TES: variants seen among roughly 807,000 people sequenced by gnomAD.
The protein encoded by TES is testin.
In TES, 41 loss-of-function variants were observed where a neutral mutation model predicts 48.2. The ratio of observed to expected loss-of-function variants is 0.85; its 90% CI spans 0.66 to 1.10. The LOEUF is 1.10. Among genes scored for constraint, TES ranks in the 50% least tolerant of loss-of-function variants. The pLI is 0.00. For missense variants in TES, 463 were observed against 515.1 expected, an observed-to-expected ratio of 0.90 and a Z score of 0.98; for synonymous variants, 162 against 174.9, an observed-to-expected ratio of 0.93 and a Z score of 0.58.
chr7:116,229,027 TATATATA>T (rs1296570534), intron 1 of TES, among the ~76,000 whole-genome samples: 1 of 108,388 alleles, frequency 9.2e-6, no homozygotes, highest in African/African-American at 3.3e-5. Context: ...TATATATATA[TATATATA>T]ATCATTTCCT....
At chr7:116,246,519 C>T (rs1193230099) in intron 2 of TES, among the ~76,000 whole-genome samples, 4 of 152,222 alleles carry the variant, frequency 2.6e-5, no homozygotes, top group Non-Finnish European at 5.9e-5. Flanking sequence ...CTATGAGCCC[C>T]TGCATGACTT....
At chr7:116,219,365 A>G (rs1269495611) in intron 1 of TES, among the ~76,000 whole-genome samples, 2 of 152,162 alleles carry the variant, frequency 1.3e-5, no homozygotes, top group East Asian at 3.8e-4. Context: ...ATAAGACCCT[A>G]GCCCACAGCT....
chr7:116,247,900 A>C (rs1341417636), intron 2 of TES, among the ~76,000 whole-genome samples: 1 of 152,038 alleles, frequency 6.6e-6, no homozygotes, highest in African/African-American at 2.4e-5. Flanking sequence ...TTGGGTTATA[A>C]ATGATCCCAT....
At chr7:116,214,882 G>T (rs1045642851) in intron 1 of TES, among the ~76,000 whole-genome samples, 5 of 152,104 alleles carry the variant, frequency 3.3e-5, no homozygotes, top group South Asian at 2.1e-4. Flanking sequence ...TCTCCATGCT[G>T]CCACCTAGAT....
chr7:116,220,076 A>C (rs1799539516), intron 1 of TES, among the ~76,000 whole-genome samples: 1 of 152,170 alleles, frequency 6.6e-6, no homozygotes, highest in South Asian at 2.1e-4. Context: ...AAGTTGCCTA[A>C]GGTTTTGAAG....
At chr7:116,214,334 G>C (rs1010133131) in intron 1 of TES, among the ~76,000 whole-genome samples, 1 of 152,136 alleles carries the variant, frequency 6.6e-6, no homozygotes, top group Non-Finnish European at 1.5e-5. Context: ...TTGGAAATTA[G>C]AATGAGTTAT....
chr7:116,227,272 G>T (rs926228583), intron 1 of TES, among the ~76,000 whole-genome samples: 4 of 151,036 alleles, frequency 2.6e-5, no homozygotes, highest in African/African-American at 7.3e-5. Flanking sequence ...ATCTATCACC[G>T]CGCCCGGCTA....
chr7:116,252,003 T>C, intron 5 of TES, 28 bp downstream of exon 5: 2 of 1,606,402 alleles, frequency 1.2e-6, no homozygotes, highest in Non-Finnish European at 1.7e-6. Flanking sequence ...ACCGGCATGC[T>C]GGTGCCCTCT....
intron 1 of TES, among the ~76,000 whole-genome samples, chr7:116,226,358 T>G (rs1490769775): frequency 6.6e-6 from 1 of 152,056 alleles, no homozygotes; most frequent in Admixed American, 6.6e-5. Context: ...TAAAGAAAGG[T>G]ATCACAGAGT....
intron 1 of TES, among the ~76,000 whole-genome samples, chr7:116,228,631 A>G (rs201883767): frequency 6.6e-6 from 1 of 152,164 alleles, no homozygotes; most frequent in Admixed American, 6.5e-5. Flanking sequence ...TCCTATGCAT[A>G]CTTTATAAAA....
intron 6 of TES, among the ~76,000 whole-genome samples, chr7:116,255,910 T>C (rs1800091902): frequency 6.6e-6 from 1 of 150,768 alleles, no homozygotes; most frequent in African/African-American, 2.5e-5. Context: ...AATTTTAAAA[T>C]GGAAAGATTA....
intron 2 of TES, among the ~76,000 whole-genome samples, chr7:116,241,278 T>C (rs1799844862): frequency 1.3e-5 from 2 of 152,226 alleles, no homozygotes; most frequent in African/African-American, 4.8e-5. Flanking sequence ...TAAAACACTG[T>C]AGATTAGAAC....
At chr7:116,229,829 A>G (rs1393095960) in intron 1 of TES, among the ~76,000 whole-genome samples, 3 of 152,228 alleles carry the variant, frequency 2.0e-5, no homozygotes, top group Non-Finnish European at 4.4e-5. Context: ...CACATCCTAA[A>G]CAAGGAAAAT....
chr7:116,246,061 A>C (rs1397506407), intron 2 of TES, among the ~76,000 whole-genome samples: 7 of 152,162 alleles, frequency 4.6e-5, no homozygotes, highest in African/African-American at 1.7e-4. Context: ...ATTCAAGATG[A>C]AATTTGGGTG....
intron 1 of TES, among the ~76,000 whole-genome samples, chr7:116,227,236 C>T (rs1015277528): frequency 6.6e-6 from 1 of 151,770 alleles, no homozygotes; most frequent in Non-Finnish European, 1.5e-5. Flanking sequence ...CCTGCCTCAG[C>T]CTCCCGAGTA....
chr7:116,238,690 C>T (rs886356803), intron 2 of TES, among the ~76,000 whole-genome samples: 1 of 151,884 alleles, frequency 6.6e-6, no homozygotes, highest in Non-Finnish European at 1.5e-5. Context: ...CAACCTCTGC[C>T]TCCTAGGTTC....
intron 1 of TES, among the ~76,000 whole-genome samples, chr7:116,216,040 G>C (rs1294440914): frequency 6.6e-6 from 1 of 152,068 alleles, no homozygotes. Context: ...TGGAGCTCCA[G>C]AGTGACATCC....
At chr7:116,215,613 G>T (rs1295707901) in intron 1 of TES, among the ~76,000 whole-genome samples, 1 of 152,124 alleles carries the variant, frequency 6.6e-6, no homozygotes, top group African/African-American at 2.4e-5. Flanking sequence ...CTGACTTTTG[G>T]TGTGAGCCAA....
At chr7:116,254,192 G>A (rs1350945788) in intron 6 of TES, among the ~76,000 whole-genome samples, 1 of 151,858 alleles carries the variant, frequency 6.6e-6, no homozygotes, top group Non-Finnish European at 1.5e-5. Context: ...CTGACCTTTA[G>A]TCTCAAGGAC....
Sources: gnomAD v4.1 joint callset for allele counts (sites outside exome capture counted in the v4.1 genomes callset) on GRCh38, gnomAD v4.1.1 for gene constraint, MANE v1.5 for transcripts, NCBI Gene and HGNC (gene_info 2026-07-23, HGNC 2026-07-21) for gene names.